Variants in TMEM175 observed in about 807,000 individuals in gnomAD.
The protein encoded by TMEM175 is endosomal/lysosomal proton channel TMEM175.
TMEM175 carries 36 observed loss-of-function variants against 36.5 expected under a neutral mutation model. That is an observed-to-expected ratio of 0.99 (90% confidence interval 0.76 to 1.30). TMEM175 has a LOEUF of 1.30. Ranked by LOEUF, TMEM175 falls within the 50% of genes most tolerant of loss-of-function variation. TMEM175 has a pLI of 0.00. For synonymous variants in TMEM175, 339 were observed against 313.4 expected, an observed-to-expected ratio of 1.08 and a Z score of -0.86; for missense variants, 705 against 692.8, an observed-to-expected ratio of 1.02 and a Z score of -0.20.
chr4:932,551 G>T lies in TMEM175; in HGVS notation c.-32+11G>T. On this transcript the variant is annotated intron_variant, in intron 1 of 10. Coordinates refer to ENST00000264771, the MANE Select transcript of TMEM175 (RefSeq NM_032326.4). The surrounding 1 kb of genome is among the most constrained non-coding windows in gnomAD (Gnocchi z 4.0). ...GCGATTCCCGCCCAGGTAGTTCAGC[G>T]CCCCAGTCCAGCTCCCGGTACCGTT... is the stretch of plus-strand genomic sequence containing the variant. 2 of 447,088 alleles carry T rather than the reference G, an allele frequency of 4.5e-6. No homozygotes were observed. Among genetic ancestry groups the T allele is most frequent in the Non-Finnish European group, 7.8e-6 (2 of 255,992 alleles). 27.7% of individuals were successfully genotyped at this position (447,088 alleles called of 1,614,324 possible).
In TMEM175 at chr4:958,483, C is replaced by T. The variant is rs1344985228; in HGVS notation, c.1502C>T (p.Pro501Leu). ...GACGACCCACAGTCCCAGCTCCTCCCTGCCCCCTGCTAGCAGCCACAGAGC... is the reference window on the plus strand; with the variant it reads ...GACGACCCACAGTCCCAGCTCCTCCTTGCCCCCTGCTAGCAGCCACAGAGC... ...GQDDPQSQLL[P>L]APC The change falls in exon 11 of 11, where the codon CCT becomes CTT. Residue 501 changes from proline to leucine, a missense_variant. By Grantham distance (98) the Pro-to-Leu change is moderately conservative. Transcript: ENST00000264771. 2 of 1,536,376 alleles carry T rather than the reference C, an allele frequency of 1.3e-6. No individual in the cohort carries two copies. The highest frequency in any genetic ancestry group is 2.0e-5 in the Admixed American group (1 of 50,768).
chr4:933,074 C>G (rs1483779156), intron 1 of TMEM175, among the ~76,000 whole-genome samples: 1 of 152,156 alleles, frequency 6.6e-6, no homozygotes, highest in Non-Finnish European at 1.5e-5. Flanking sequence ...TCGTAATGCC[C>G]AACTATTTGG....
At chr4:951,869 C>A in intron 6 of TMEM175, 152 bp downstream of exon 6, 1 of 801,956 alleles carries the variant, frequency 1.2e-6, no homozygotes, top group Non-Finnish European at 2.0e-6. Context: ...AGCTGTTGGG[C>A]TGTTGGGGGC....
chr4:944,364 G>C (rs1727874387), intron 1 of TMEM175, among the ~76,000 whole-genome samples: 1 of 152,168 alleles, frequency 6.6e-6, no homozygotes, highest in African/African-American at 2.4e-5. Context: ...CTGGAGCTTG[G>C]GGTTGGGGAA....
At position 958,129 on chromosome 4, in the gene TMEM175, T is replaced by C; in HGVS notation, c.1148T>C (p.Ile383Thr). Residue 383 changes from isoleucine (I) to threonine (T), a missense_variant, in exon 11 of 11, where the codon ATC becomes ACC. Ile to Thr is a moderately conservative substitution (Grantham distance 89). Transcript: ENST00000264771. ...LERVRVSCTI[I>T]FLASIFQLAM... The stretch of plus-strand genomic sequence containing the variant: ...CGCGTGCGTGTCAGCTGCACCATCA[T>C]CTTCCTGGCCAGCATCTTCCAGCTG... 6.2e-7 allele frequency: 1 copy of C among 1,603,296 alleles called. No homozygotes were observed. The highest frequency in any genetic ancestry group is 8.5e-7 in the Non-Finnish European group (1 of 1,179,696).
At chr4:944,839 G>A (rs757345448) in intron 1 of TMEM175, among the ~76,000 whole-genome samples, 9 of 152,260 alleles carry the variant, frequency 5.9e-5, no homozygotes, top group South Asian at 4.1e-4. Context: ...GGTGGCTCTC[G>A]CCTGTAATCC....
intron 6 of TMEM175, 111 bp from the exon 7 acceptor site, chr4:952,256 G>A (rs1388931601): frequency 1.1e-5 from 10 of 947,612 alleles, no homozygotes; most frequent in Admixed American, 1.9e-5. Flanking sequence ...TGGCCCCACC[G>A]CATCTCCCAG....
At chr4:943,284 C>G (rs1487746413) in intron 1 of TMEM175, among the ~76,000 whole-genome samples, 1 of 152,216 alleles carries the variant, frequency 6.6e-6, no homozygotes. Context: ...CGGAGTCTTA[C>G]TCTGTCTCCC....
Position 958,059 on chromosome 4 carries a change from C to T in TMEM175, c.1078C>T (p.Gln360Ter), listed in dbSNP as rs760439988. Residue 360 changes from glutamine to a stop codon, truncating the protein, a stop_gained, in exon 11 of 11, where the codon CAG becomes TAG. Coordinates refer to ENST00000264771, the MANE Select transcript of TMEM175 (RefSeq NM_032326.4). LOFTEE classifies it low-confidence loss of function (END_TRUNC). ...CGTGGGTGGCCTCCCACTAGCCTAC[C>T]AGCAGACCTCGGCCTTCGCCCGGCA... ...AFVGGLPLAYQQTSAFARQPR... is the reference protein window; with the variant it reads ...AFVGGLPLAY 1.9e-6 allele frequency: 3 copies of T among 1,610,276 alleles called. No individual in the cohort carries two copies. The highest frequency in any genetic ancestry group is 3.3e-5 in the Admixed American group (2 of 59,994).
At chr4:951,093 T>G in intron 4 of TMEM175, 114 bp from the exon 5 acceptor site, 1 of 1,070,214 alleles carries the variant, frequency 9.3e-7, no homozygotes, top group Non-Finnish European at 1.4e-6. Flanking sequence ...TATATTTGGT[T>G]AACAGTGACA....
intron 10 of TMEM175, chr4:956,092 C>T: frequency 2.5e-6 from 2 of 794,758 alleles, no homozygotes; most frequent in Non-Finnish European, 1.9e-6. Context: ...CCCAGCGGCC[C>T]CTCCCTTCCC....
At chr4:957,796 C>T (rs1729909199) in intron 10 of TMEM175, 28 bp from the exon 11 acceptor site, 2 of 1,570,272 alleles carry the variant, frequency 1.3e-6, no homozygotes, top group Admixed American at 3.5e-5. Flanking sequence ...GCAAGGCCGG[C>T]ACAAATGCAT....
chr4:958,584 G>A lies in TMEM175; in HGVS notation c.*88G>A. 4 of 1,123,590 alleles carry A rather than the reference G, an allele frequency of 3.6e-6. No individual in the cohort carries two copies. Among genetic ancestry groups the A allele is most frequent in the African/African-American group, 1.6e-5 (1 of 63,684 alleles). The allele number at this position is 1,123,590 out of a possible 1,614,324, so 69.6% of individuals were successfully genotyped here. A position where few individuals can be genotyped will look rare whatever the true frequency, so the allele number is the denominator to read the frequency against. ...GGCAGGGGAAGCCAAGTCACGGGCA[G>A]GCCGCAGTGGTTCTTGCGTGGCCTG... On this transcript the variant is annotated 3_prime_UTR_variant, in exon 11 of 11. Transcript: ENST00000264771.
Position 938,183 on chromosome 4 carries a change from A to G in TMEM175, c.-32+5643A>G, listed in dbSNP as rs184685347. Among the ~76,000 whole-genome samples, 408 of 152,324 alleles carry G rather than the reference A, an allele frequency of 2.7e-3. 3 individuals carry two copies. The highest frequency in any genetic ancestry group is 9.3e-3 in the African/African-American group (386 of 41,566). On this transcript the variant is annotated intron_variant, in intron 1 of 10. Coordinates refer to ENST00000264771, the MANE Select transcript of TMEM175 (RefSeq NM_032326.4). ...ACTTCTATTCAGCATTGTACTAGAA[A>G]TTCTAGCCAACGTGATGAGGCAAGA...
intron 1 of TMEM175, among the ~76,000 whole-genome samples, chr4:940,741 C>T (rs928493202): frequency 1.3e-5 from 2 of 152,024 alleles, no homozygotes; most frequent in African/African-American, 4.8e-5. Context: ...GACATGGTGG[C>T]TCATGCCTGT....
chr4:937,389 C>T (rs1726915828), intron 1 of TMEM175, among the ~76,000 whole-genome samples: 1 of 151,998 alleles, frequency 6.6e-6, no homozygotes, highest in African/African-American at 2.4e-5. Context: ...CATGGTGAAA[C>T]CTCATTTCTA....
rs749433461 is a variant in TMEM175 at position 958,434 on chromosome 4, C to G, written c.1453C>G (p.Pro485Ala). ...VLRGLARPEH[P>A]PPAPTGQDDP... The stretch of plus-strand genomic sequence containing the variant: ...GCGGGGCCTCGCCCGGCCCGAACAC[C>G]CCCCGCCAGCCCCCACGGGCCAGGA... Residue 485 changes from proline (P) to alanine (A), a missense_variant, in exon 11 of 11, where the codon CCC becomes GCC. Pro to Ala is a conservative substitution (Grantham distance 27). Coordinates refer to ENST00000264771, the MANE Select transcript of TMEM175 (RefSeq NM_032326.4). The G allele has an allele frequency of 6.3e-7, 1 of 1,589,220 alleles. No individual in the cohort carries two copies. Among genetic ancestry groups the G allele is most frequent in the African/African-American group, 1.3e-5 (1 of 74,732 alleles).
At chr4:947,469 C>T (rs1444066602) in intron 1 of TMEM175, among the ~76,000 whole-genome samples, 1 of 152,232 alleles carries the variant, frequency 6.6e-6, no homozygotes, top group East Asian at 1.9e-4. Flanking sequence ...GCCCAGTCCA[C>T]CCAGATCAGT....
At chr4:956,390 G>C (rs756316895) in intron 10 of TMEM175, 4 of 1,289,362 alleles carry the variant, frequency 3.1e-6, no homozygotes, top group Admixed American at 4.6e-5. Context: ...CTGCCTCTTC[G>C]TCTGTTAGAG....
Sources: allele counts gnomAD v4.1 joint callset (sites outside exome capture counted in the v4.1 genomes callset), GRCh38; gene constraint gnomAD v4.1.1; non-coding constraint Gnocchi (gnomAD v3.1); transcripts MANE v1.5; gene names NCBI Gene and HGNC (gene_info 2026-07-23, HGNC 2026-07-21).